CBLB: variants seen among roughly 807,000 people sequenced by gnomAD.
The protein encoded by CBLB is Cbl proto-oncogene B.
In CBLB, 31 loss-of-function variants were observed where a neutral mutation model predicts 104.9. That is an observed-to-expected ratio of 0.30 (90% CI 0.22 to 0.40). The LOEUF (loss-of-function observed/expected upper bound fraction) is 0.40, where lower values mean the gene tolerates loss of function less well. Among genes scored for constraint, CBLB ranks in the 10% least tolerant of loss-of-function variants. CBLB has a pLI of 1.00. For missense variants in CBLB, 1,062 were observed against 1,214.6 expected (o/e 0.87, Z 1.87); for synonymous variants, 440 against 422.6 (o/e 1.04, Z -0.51).
chr3:105,840,650 T>C (rs149268956), intron 3 of CBLB, among the ~76,000 whole-genome samples: 88 of 152,300 alleles, frequency 5.8e-4, no homozygotes, highest in African/African-American at 2.0e-3. Flanking sequence ...CCCCAGTGTG[T>C]CAAGTCATGT....
At chr3:105,734,266 T>C (rs2074659841) in intron 8 of CBLB, 126 bp from the exon 9 acceptor site, 2 of 953,084 alleles carry the variant, frequency 2.1e-6, no homozygotes, top group Admixed American at 1.9e-5. Context: ...CAGAATTTTG[T>C]TACCATTTGA....
chr3:105,781,925 T>C (rs759587645), intron 3 of CBLB, among the ~76,000 whole-genome samples: 1 of 152,118 alleles, frequency 6.6e-6, no homozygotes, highest in Non-Finnish European at 1.5e-5. Flanking sequence ...AGGCAAGACA[T>C]AAAGAATATA....
intron 3 of CBLB, among the ~76,000 whole-genome samples, chr3:105,814,200 A>G (rs1320519741): frequency 6.6e-6 from 1 of 152,152 alleles, no homozygotes; most frequent in Non-Finnish European, 1.5e-5. Flanking sequence ...TCCCAACTAA[A>G]GCTTTTGTGT....
intron 2 of CBLB, among the ~76,000 whole-genome samples, 189 bp downstream of exon 2, chr3:105,867,221 G>A (rs1445200952): frequency 6.6e-6 from 1 of 152,024 alleles, no homozygotes; most frequent in Non-Finnish European, 1.5e-5. Flanking sequence ...AAGGATGAAA[G>A]GTTAAAAAAC....
chr3:105,746,702 T>C (rs1268873766), intron 5 of CBLB, among the ~76,000 whole-genome samples: 1 of 152,242 alleles, frequency 6.6e-6, no homozygotes, highest in Non-Finnish European at 1.5e-5. Flanking sequence ...TGTATGTCTG[T>C]TAACTGTTAA....
chr3:105,740,293 T>C (rs965303492), intron 7 of CBLB, among the ~76,000 whole-genome samples: 2 of 152,334 alleles, frequency 1.3e-5, no homozygotes, highest in East Asian at 3.9e-4. Context: ...TTGAAATGTA[T>C]TTGCTATAAC....
intron 3 of CBLB, among the ~76,000 whole-genome samples, chr3:105,809,198 C>T (rs536183895): frequency 2.4e-4 from 37 of 152,296 alleles, no homozygotes; most frequent in Admixed American, 2.6e-4. Context: ...TATACTCAAC[C>T]TTGTTATAAT....
chr3:105,777,641 A>G (rs545671048), intron 3 of CBLB, among the ~76,000 whole-genome samples: 1 of 152,316 alleles, frequency 6.6e-6, no homozygotes, highest in South Asian at 2.1e-4. Flanking sequence ...AATGAAAGAG[A>G]AAAGAAATAA....
intron 12 of CBLB, among the ~76,000 whole-genome samples, chr3:105,696,311 A>G (rs907699151): frequency 6.6e-5 from 10 of 151,736 alleles, no homozygotes; most frequent in Admixed American, 6.6e-4. Flanking sequence ...GTTCATATTT[A>G]TTGACGGTGG....
In CBLB at chr3:105,864,050, TCAG is replaced by T. The variant is rs1415599966; in HGVS notation, c.168+3357_168+3359del. On this transcript the variant is annotated intron_variant, in intron 2 of 18. Coordinates refer to ENST00000394030, the MANE Select transcript of CBLB (RefSeq NM_170662.5). ...TAGTAATCATTTCCTTACTCTCACC[TCAG>T]CATTTCCAACAAGAACACAATAATG... is the stretch of plus-strand genomic sequence containing the variant. 1.2e-4 allele frequency among the ~76,000 whole-genome samples: 18 copies of T among 152,256 alleles called. 1 individual carries two copies. The highest frequency in any genetic ancestry group is 7.7e-4 in the East Asian group (4 of 5,184).
At chr3:105,703,887 T>C (rs1284744807) in intron 11 of CBLB, 101 bp downstream of exon 11, 2 of 1,121,634 alleles carry the variant, frequency 1.8e-6, no homozygotes, top group Non-Finnish European at 1.3e-6. Context: ...TTATTCACAA[T>C]TAAAAGCAAA....
At chr3:105,723,892 T>C (rs1483810577) in intron 9 of CBLB, 1 of 153,988 alleles carries the variant, frequency 6.5e-6, no homozygotes, top group Non-Finnish European at 1.4e-5. Context: ...ACATATGTAA[T>C]ATACATCAAG....
chr3:105,764,492 G>A, intron 4 of CBLB, among the ~76,000 whole-genome samples: 1 of 152,108 alleles, frequency 6.6e-6, no homozygotes, highest in African/African-American at 2.4e-5. Flanking sequence ...GCCCATGTAA[G>A]ACAGCAAACT....
At chr3:105,740,672 T>C (rs776384849) in intron 6 of CBLB, 41 bp from the exon 7 acceptor site, 28 of 1,531,140 alleles carry the variant, frequency 1.8e-5, no homozygotes, top group Non-Finnish European at 2.3e-5. Flanking sequence ...ACATTCAGAA[T>C]ATAAATCAAT....
At chr3:105,824,378 C>T (rs888444228) in intron 3 of CBLB, 1 of 152,126 alleles carries the variant, frequency 6.6e-6, no homozygotes, top group African/African-American at 2.4e-5. Flanking sequence ...ACCGCTTATG[C>T]TTGTAAAATG....
In CBLB at chr3:105,850,477, A is replaced by G. The variant is rs2090801504; in HGVS notation, c.419+2937T>C. On this transcript the variant is annotated intron_variant, in intron 3 of 18. Transcript: ENST00000394030. ...AGTCTCACACTAAAATTTAACTAAC[A>G]TGTTAAGACACTATATATTTTCATT... Among the ~76,000 whole-genome samples the G allele has an allele frequency of 2.0e-5, 3 of 152,170 alleles. No individual in the cohort carries two copies. The South Asian group carries it at 6.2e-4, about 32-fold the overall frequency.
chr3:105,735,192 C>T (rs1266078986), intron 8 of CBLB, among the ~76,000 whole-genome samples: 3 of 152,086 alleles, frequency 2.0e-5, no homozygotes, highest in African/African-American at 7.2e-5. Flanking sequence ...CATAAACATA[C>T]ATGGATACAT....
intron 3 of CBLB, among the ~76,000 whole-genome samples, chr3:105,812,218 T>C (rs2084402536): frequency 6.6e-6 from 1 of 152,192 alleles, no homozygotes; most frequent in Non-Finnish European, 1.5e-5. Flanking sequence ...TAAAAGATAA[T>C]GCTGCAAATG....
chr3:105,702,264 C>T lies in CBLB; in HGVS notation c.1789G>A (p.Asp597Asn). The T allele has an allele frequency of 1.2e-6, 2 of 1,614,024 alleles. No homozygotes were observed. Among genetic ancestry groups the T allele is most frequent in the Non-Finnish European group, 1.7e-6 (2 of 1,179,984 alleles). The change falls in exon 12 of 19, where the codon GAT becomes AAT. Residue 597 changes from aspartate to asparagine, a missense_variant. Asp to Asn is a conservative substitution (Grantham distance 23, BLOSUM62 1). Transcript: ENST00000394030. The stretch of plus-strand genomic sequence containing the variant: ...ACAAGCTGATTAGTCCCAAACACAT[C>T]CCGAGGGCACCATGCTTCAAGAGGC... ...PMPLEAWCPR[D>N]VFGTNQLVGC...
Sources: allele counts gnomAD v4.1 joint callset (sites outside exome capture counted in the v4.1 genomes callset), GRCh38; gene constraint gnomAD v4.1.1; transcripts MANE v1.5; gene names NCBI Gene and HGNC (gene_info 2026-07-23, HGNC 2026-07-21).